The following PROS1 variants were observed in gnomAD, a reference collection of about 807,000 sequenced individuals.
The protein encoded by PROS1 is vitamin K-dependent protein S.
A neutral mutation model predicts 75.9 loss-of-function variants in PROS1; 29 were observed. The ratio of observed to expected loss-of-function variants is 0.38; its 90% CI spans 0.28 to 0.52. The LOEUF (loss-of-function observed/expected upper bound fraction) is 0.52, where lower values mean the gene tolerates loss of function less well. Ranked by LOEUF, PROS1 falls within the 20% of genes least tolerant of loss-of-function variation. The pLI, the probability that PROS1 is intolerant of heterozygous loss-of-function variation, is 0.83. For synonymous variants in PROS1, 245 were observed against 280.6 expected, an observed-to-expected ratio of 0.87 and a Z score of 1.27; for missense variants, 680 against 810.3, an observed-to-expected ratio of 0.84 and a Z score of 1.95.
chr3:93,952,931 T>A (rs1460722337), intron 1 of PROS1, among the ~76,000 whole-genome samples: 2 of 152,130 alleles, frequency 1.3e-5, no homozygotes, highest in African/African-American at 4.8e-5. Context: ...CTAACTACCA[T>A]CAGAGAAAAC....
chr3:93,961,493 G>A (rs1207034347), intron 1 of PROS1, among the ~76,000 whole-genome samples: 1 of 152,158 alleles, frequency 6.6e-6, no homozygotes, highest in Non-Finnish European at 1.5e-5. Flanking sequence ...CCAACAATCA[G>A]GAAGCCTGGA....
chr3:93,895,501 A>G (rs1708490651), intron 9 of PROS1, among the ~76,000 whole-genome samples: 1 of 152,186 alleles, frequency 6.6e-6, no homozygotes, highest in South Asian at 2.1e-4. Flanking sequence ...GTTTTTAATA[A>G]CGTCTATGAA....
At chr3:93,938,523 C>A (rs1242109674) in intron 1 of PROS1, among the ~76,000 whole-genome samples, 1 of 152,056 alleles carries the variant, frequency 6.6e-6, no homozygotes, top group Non-Finnish European at 1.5e-5. Context: ...TGAGGAGATC[C>A]ACCCACGACC....
intron 6 of PROS1, among the ~76,000 whole-genome samples, chr3:93,903,015 C>A (rs1365462710): frequency 6.6e-6 from 1 of 151,832 alleles, no homozygotes; most frequent in South Asian, 2.1e-4. Context: ...TACAGGCACC[C>A]GCCACCACCC....
chr3:93,952,958 C>T (rs970843011), intron 1 of PROS1, among the ~76,000 whole-genome samples: 1 of 152,144 alleles, frequency 6.6e-6, no homozygotes, highest in Non-Finnish European at 1.5e-5. Context: ...CACCTCAATG[C>T]AAATCAACCA....
chr3:93,969,153 G>A (rs1329286232), intron 1 of PROS1, among the ~76,000 whole-genome samples: 1 of 117,926 alleles, frequency 8.5e-6, no homozygotes, highest in Non-Finnish European at 1.7e-5. Flanking sequence ...CATATAAGAT[G>A]TGTTGGTACA....
chr3:93,922,466 A>G (rs887688132), intron 3 of PROS1, among the ~76,000 whole-genome samples: 4 of 152,220 alleles, frequency 2.6e-5, no homozygotes, highest in Middle Eastern at 3.2e-3. Context: ...AATGAAACCC[A>G]GAGTACTTAT....
chr3:93,916,854 G>A (rs780518271), intron 3 of PROS1, among the ~76,000 whole-genome samples: 2 of 152,116 alleles, frequency 1.3e-5, no homozygotes, highest in African/African-American at 4.8e-5. Context: ...AATCAAACTG[G>A]TTTCCTTTTG....
chr3:93,928,012 T>TATATATATA lies in PROS1; in HGVS notation c.77-606_77-605insTATATATAT, dbSNP rs60944961. Among the ~76,000 whole-genome samples, 88 of 27,292 alleles carry TATATATATA rather than the reference T, an allele frequency of 3.2e-3. 3 individuals carry two copies. The highest frequency in any genetic ancestry group is 0.017 in the East Asian group (13 of 768). The allele number at this position is 27,292 out of a possible 152,430, so 17.9% of individuals were successfully genotyped here. A position where few individuals can be genotyped will look rare whatever the true frequency, so the allele number is the denominator to read the frequency against. On this transcript the variant is annotated intron_variant, in intron 1 of 14. Coordinates refer to ENST00000394236, the MANE Select transcript of PROS1 (RefSeq NM_000313.4). ...GTGTGTGTATATATATATATATATA[T>TATATATATA]TTTTTTTTTTTTTTTTTTTTGAGAC...
intron 1 of PROS1, among the ~76,000 whole-genome samples, chr3:93,956,541 CACACACACACACACACACACAA>C (rs1318584506): frequency 7.5e-5 from 5 of 66,274 alleles, no homozygotes; most frequent in Admixed American, 4.5e-4. Context: ...TCTACACACA[CACACACACACACACACACACAA>C]ACACACACAC....
At chr3:93,955,166 G>A (rs1709577751) in intron 1 of PROS1, among the ~76,000 whole-genome samples, 1 of 152,176 alleles carries the variant, frequency 6.6e-6, no homozygotes, top group African/African-American at 2.4e-5. Flanking sequence ...AAGACAGTGT[G>A]GCAATTCCTC....
At chr3:93,908,928 G>A (rs989654204) in intron 4 of PROS1, among the ~76,000 whole-genome samples, 15 of 152,148 alleles carry the variant, frequency 9.9e-5, no homozygotes, top group Non-Finnish European at 1.9e-4. Flanking sequence ...GAGTCACAGT[G>A]TTCTGCTTCC....
At chr3:93,894,838 A>T (rs1048073902) in intron 9 of PROS1, among the ~76,000 whole-genome samples, 1 of 152,234 alleles carries the variant, frequency 6.6e-6, no homozygotes, top group South Asian at 2.1e-4. Flanking sequence ...TAATGTGTAC[A>T]TATCGGTACA....
At chr3:93,884,618 T>C in intron 12 of PROS1, 110 bp downstream of exon 12, 1 of 1,239,622 alleles carries the variant, frequency 8.1e-7, no homozygotes. Flanking sequence ...AAGACTAGAG[T>C]GGGCACACAG....
In PROS1 at chr3:93,904,608, C is replaced by CT. The variant is rs942037942; in HGVS notation, c.601+1175dup. On this transcript the variant is annotated intron_variant, in intron 6 of 14. Transcript: ENST00000394236. Reference sequence around the variant, plus strand: ...AACAAGAAATTCACATTTTAACTTACTTTTTTTTTTAACATTTTAGCAAAA... The same window carrying CT: ...AACAAGAAATTCACATTTTAACTTACTTTTTTTTTTTAACATTTTAGCAAAA... Among the ~76,000 whole-genome samples, 88 of 148,602 alleles carry CT rather than the reference C, an allele frequency of 5.9e-4. No individual in the cohort carries two copies. In the East Asian group the frequency reaches 0.01, roughly 17 times the overall value.
chr3:93,886,459 A>G lies in PROS1; in HGVS notation c.1200T>C (p.Ala400=). Residue 400 remains alanine, a synonymous_variant, in exon 11 of 15, where the codon GCT becomes GCC. Coordinates refer to ENST00000394236, the MANE Select transcript of PROS1 (RefSeq NM_000313.4). ...ELEHSISIKI[A]KEAVMDINKP... Reference sequence around the variant, plus strand: ...TATTTATATCCATCACAGCTTCTTTAGCTATTTTAATGCTAATACTATGTT... The same window carrying G: ...TATTTATATCCATCACAGCTTCTTTGGCTATTTTAATGCTAATACTATGTT... The G allele has an allele frequency of 6.2e-7, 1 of 1,612,584 alleles. No homozygotes were observed. Among genetic ancestry groups the G allele is most frequent in the Non-Finnish European group, 8.5e-7 (1 of 1,178,666 alleles).
chr3:93,966,569 T>C (rs1709791485), intron 1 of PROS1, among the ~76,000 whole-genome samples: 1 of 152,152 alleles, frequency 6.6e-6, no homozygotes, highest in African/African-American at 2.4e-5. Context: ...CTCAGCATTG[T>C]AGCAAACTGC....
intron 4 of PROS1, among the ~76,000 whole-genome samples, chr3:93,908,343 C>A (rs1463698244): frequency 6.6e-6 from 1 of 152,166 alleles, no homozygotes; most frequent in Non-Finnish European, 1.5e-5. Context: ...GACCACATTA[C>A]TGCCTGGAGA....
At chr3:93,921,843 T>A (rs1295104320) in intron 3 of PROS1, among the ~76,000 whole-genome samples, 1 of 152,252 alleles carries the variant, frequency 6.6e-6, no homozygotes, top group Non-Finnish European at 1.5e-5. Flanking sequence ...AGAATGAGAA[T>A]GTGCTTTTGT....
Sources: gnomAD v4.1 joint callset for allele counts (sites outside exome capture counted in the v4.1 genomes callset) on GRCh38, gnomAD v4.1.1 for gene constraint, MANE v1.5 for transcripts, NCBI Gene and HGNC (gene_info 2026-07-23, HGNC 2026-07-21) for gene names.